The following RPS24 variants were observed in gnomAD, a reference collection of about 807,000 sequenced individuals.
RPS24 encodes small ribosomal subunit protein eS24.
For missense variants in RPS24, 100 were observed against 162.5 expected (o/e 0.62, Z 2.09); for synonymous variants, 72 against 55.6 (o/e 1.30, Z -1.31).
At chr10:78,034,359 G>T in intron 1 of RPS24, 1 of 224,854 alleles carries the variant, frequency 4.4e-6, no homozygotes, top group Non-Finnish European at 9.0e-6. Context: ...AAACTTGTCA[G>T]CTGGATGGAT....
chr10:78,036,808 A>T, intron 3 of RPS24, among the ~76,000 whole-genome samples: 1 of 152,112 alleles, frequency 6.6e-6, no homozygotes, highest in East Asian at 1.9e-4. Flanking sequence ...GGGGGTTGTA[A>T]ATGCTTGTCT....
Position 78,033,916 on chromosome 10 carries a change from T to C in RPS24, c.3+12T>C, listed in dbSNP as rs199760730. ...AGATCGCCATCATGGTGAGTCTCCCTGGGCCCGTGCAGTCATCTGCCGCGT... is the reference window on the plus strand; with the variant it reads ...AGATCGCCATCATGGTGAGTCTCCCCGGGCCCGTGCAGTCATCTGCCGCGT... On this transcript the variant is annotated intron_variant, in intron 1 of 5. Coordinates refer to ENST00000372360, the MANE Select transcript of RPS24 (RefSeq NM_033022.4). The C allele has an allele frequency of 2.5e-6, 4 of 1,614,034 alleles. No individual in the cohort carries two copies. Among genetic ancestry groups the C allele is most frequent in the Non-Finnish European group, 3.4e-6 (4 of 1,179,930 alleles).
exon 5 of RPS24, chr10:78,054,884 G>T: frequency 6.5e-7 from 1 of 1,545,954 alleles, no homozygotes; most frequent in Non-Finnish European, 8.8e-7. Context: ...CAGAAGCCTT[G>T]TCAGCAACCT....
intron 5 of RPS24, 34 bp from the exon 6 acceptor site, chr10:78,040,581 G>A: frequency 2.6e-6 from 4 of 1,524,566 alleles, no homozygotes; most frequent in Non-Finnish European, 9.1e-7. Context: ...TTTAAAGGCA[G>A]TTGTTGACTA....
At chr10:78,037,902 C>CTTTTTTTTTTTTTTTTTTTTTTTTTTT in intron 4 of RPS24, 12 of 378,790 alleles carry the variant, frequency 3.2e-5, no homozygotes, top group South Asian at 1.0e-4. Context: ...GTTCTGTGAA[C>CTTTTTTTTTTTTTTTTTTTTTTTTTTT]TTTTTTTTTT....
chr10:78,044,336 A>C (rs547419857), downstream of RPS24, among the ~76,000 whole-genome samples: 1 of 152,270 alleles, frequency 6.6e-6, no homozygotes, highest in Non-Finnish European at 1.5e-5. Context: ...GTCATTCTGC[A>C]AGGGGAAGAG....
chr10:78,044,329 A>G (rs911726040), downstream of RPS24, among the ~76,000 whole-genome samples: 1 of 152,126 alleles, frequency 6.6e-6, no homozygotes, highest in African/African-American at 2.4e-5. Flanking sequence ...GAGACCAGTC[A>G]TTCTGCAAGG....
At chr10:78,041,123 G>C (rs966174710), downstream of RPS24, among the ~76,000 whole-genome samples, 4 of 152,072 alleles carry the variant, frequency 2.6e-5, no homozygotes, top group African/African-American at 9.7e-5. Context: ...GAGCGACCAC[G>C]TCTGGCTTAG....
exon 5 of RPS24, chr10:78,056,520 G>T (rs1312789190): frequency 6.6e-6 from 1 of 152,240 alleles, no homozygotes; most frequent in Non-Finnish European, 1.5e-5. Flanking sequence ...CCTGGCCAAA[G>T]TGGTTGATTG....
chr10:78,036,231 A>G (rs1443346360), intron 3 of RPS24: 3 of 186,308 alleles, frequency 1.6e-5, no homozygotes, highest in Non-Finnish European at 3.4e-5. Flanking sequence ...AACTCACTTT[A>G]TCCTATCCTG....
At chr10:78,050,876 T>C (rs1848092541) in intron 4 of RPS24, among the ~76,000 whole-genome samples, 1 of 152,216 alleles carries the variant, frequency 6.6e-6, no homozygotes, top group South Asian at 2.1e-4. Context: ...CTATTCATTT[T>C]TGATCATTTT....
intron 1 of RPS24, 181 bp downstream of exon 1, chr10:78,034,085 C>T (rs183273336): frequency 6.1e-4 from 418 of 690,496 alleles, no homozygotes; most frequent in Middle Eastern, 3.8e-3. Context: ...TGGCGGGCTG[C>T]GCTGTAGACC....
In RPS24 at chr10:78,054,666, GTGTGGACA is replaced by G. The variant is rs1564633587; in HGVS notation, c.532_539del (p.Thr178GlnfsTer20). 3.2e-6 allele frequency: 5 copies of G among 1,551,726 alleles called. No homozygotes were observed. In the South Asian group the frequency reaches 4.8e-5, roughly 15 times the overall value. ...GGTAGAAGTGCCAGGACCGTGGAGC[GTGTGGACA>G]TGTGGCAGATTGCGGAGGGGCTGTG... On this transcript the variant is annotated frameshift_variant, in exon 5 of 5. Coordinates refer to the RPS24 transcript ENST00000440692. LOFTEE classifies it low-confidence loss of function (END_TRUNC).
rs544768466 is a variant in RPS24, at chr10:78,054,789, A to G, written c.649A>G (p.Arg217Gly). Residue 217 changes from arginine (R) to glycine (G), a missense_variant, in exon 5 of 5, where the codon AGA becomes GGA. Coordinates refer to the RPS24 transcript ENST00000440692. ...GTGCCTTTTGGAGAGGGCACTGGTC[A>G]GAAACGGAGCCTTCATGTCGCCTGC... The G allele has an allele frequency of 4.5e-6, 7 of 1,551,708 alleles. No individual in the cohort carries two copies. In the South Asian group the frequency reaches 7.1e-5, roughly 16 times the overall value.
intron 4 of RPS24, among the ~76,000 whole-genome samples, chr10:78,052,749 G>A (rs752483957): frequency 1.3e-5 from 2 of 152,128 alleles, no homozygotes; most frequent in East Asian, 3.9e-4. Context: ...AGAGAGAGAC[G>A]TACCCTTGGT....
chr10:78,044,413 A>G (rs146894177), downstream of RPS24, among the ~76,000 whole-genome samples: 3 of 152,264 alleles, frequency 2.0e-5, no homozygotes, highest in Admixed American at 1.3e-4. Context: ...ACAAGATGGA[A>G]GGCCCTACAT....
intron 4 of RPS24, among the ~76,000 whole-genome samples, chr10:78,047,576 T>G (rs1399417906): frequency 1.3e-5 from 2 of 152,222 alleles, no homozygotes; most frequent in Non-Finnish European, 2.9e-5. Flanking sequence ...GGTCACTCTT[T>G]CTTCTCAGAG....
Position 78,035,397 on chromosome 10 carries a change from C to T in RPS24, c.49C>T (p.Leu17=), listed in dbSNP as rs2131976175. ...IRTRKFMTNR[L]LQRKQMVIDV... ...CACTAGAAAGTTCATGACCAACCGA[C>T]TACTTCAGAGGAAACAAATGGTAAG... Residue 17 remains leucine (L), a synonymous_variant, in exon 2 of 6, where the codon CTA becomes TTA. Transcript: ENST00000372360. The T allele has an allele frequency of 6.2e-7, 1 of 1,614,182 alleles. No homozygotes were observed. The highest frequency in any genetic ancestry group is 8.5e-7 in the Non-Finnish European group (1 of 1,180,016).
At chr10:78,035,295 C>G (rs1175698499) in intron 1 of RPS24, 57 bp from the exon 2 acceptor site, 1 of 1,531,408 alleles carries the variant, frequency 6.5e-7, no homozygotes, top group Non-Finnish European at 9.0e-7. Context: ...TGGAAAATCA[C>G]AGCAAGGCCA....
Sources: allele counts gnomAD v4.1 joint callset (sites outside exome capture counted in the v4.1 genomes callset), GRCh38; gene constraint gnomAD v4.1.1; transcripts MANE v1.5; gene names NCBI Gene and HGNC (gene_info 2026-07-23, HGNC 2026-07-21).